Variants in EPHA7 observed in about 807,000 individuals in gnomAD.
The protein encoded by EPHA7 is EPH receptor A7.
A neutral mutation model predicts 112.6 loss-of-function variants in EPHA7; 25 were observed. The ratio of observed to expected loss-of-function variants is 0.22; its 90% CI spans 0.16 to 0.31. EPHA7 has a LOEUF of 0.31. Ranked by LOEUF, EPHA7 falls within the 10% of genes least tolerant of loss-of-function variation. The probability of loss-of-function intolerance (pLI) is 1.00; values close to 1 mark genes in which losing one functional copy is unlikely to be tolerated. For missense variants in EPHA7, 962 were observed against 1,212.6 expected, an observed-to-expected ratio of 0.79 and a Z score of 3.07; for synonymous variants, 437 against 406.5, an observed-to-expected ratio of 1.07 and a Z score of -0.90.
At chr6:93,317,597 C>A (rs1287567329) in intron 5 of EPHA7, among the ~76,000 whole-genome samples, 1 of 152,168 alleles carries the variant, frequency 6.6e-6, no homozygotes, top group Non-Finnish European at 1.5e-5. Context: ...TCTTAAGCTG[C>A]ATTTAAACTT....
Position 93,241,342 on chromosome 6 carries a change from A to G in EPHA7, c.*2084T>C. Reference sequence around the variant, plus strand: ...CTCACAAAGGCCAATGCTACTGATTAGAATTGTAAAGTGCTGGACTTAGTA... The same window carrying G: ...CTCACAAAGGCCAATGCTACTGATTGGAATTGTAAAGTGCTGGACTTAGTA... On this transcript the variant is annotated 3_prime_UTR_variant, in exon 17 of 17. Transcript: ENST00000369303. The G allele has an allele frequency of 4.6e-6, 1 of 216,624 alleles. No individual in the cohort carries two copies. The highest frequency in any genetic ancestry group is 9.3e-6 in the Non-Finnish European group (1 of 107,192). 13.4% of individuals were successfully genotyped at this position (216,624 alleles called of 1,614,324 possible).
chr6:93,281,910 G>T (rs1771760361), intron 5 of EPHA7, among the ~76,000 whole-genome samples: 1 of 151,900 alleles, frequency 6.6e-6, no homozygotes, highest in East Asian at 1.9e-4. Context: ...ATGCACATCA[G>T]TATAATCCTT....
At chr6:93,338,044 C>T (rs1196664951) in intron 5 of EPHA7, among the ~76,000 whole-genome samples, 1 of 151,932 alleles carries the variant, frequency 6.6e-6, no homozygotes. Context: ...GATAACTCAT[C>T]AAACAGTACA....
intron 3 of EPHA7, among the ~76,000 whole-genome samples, chr6:93,369,117 C>A (rs1275029367): frequency 6.7e-6 from 1 of 149,720 alleles, no homozygotes; most frequent in African/African-American, 2.5e-5. Flanking sequence ...TGAGCTCAAT[C>A]CTTTCTTTTT....
At position 93,254,771 on chromosome 6, in the gene EPHA7, G is replaced by A; in HGVS notation, c.2408C>T (p.Thr803Ile). 6.2e-7 allele frequency: 1 copy of A among 1,612,096 alleles called. No individual in the cohort carries two copies. Among genetic ancestry groups the A allele is most frequent in the Non-Finnish European group, 8.5e-7 (1 of 1,178,758 alleles). ...TTGGKIPVRW[T>I]APEAIQYRKF... Reference sequence around the variant, plus strand: ...CCGGTACTGGATGGCTTCGGGTGCTGTCCACCTTACTGGAATTTTTCCACC... The same window carrying A: ...CCGGTACTGGATGGCTTCGGGTGCTATCCACCTTACTGGAATTTTTCCACC... Residue 803 changes from threonine to isoleucine, a missense_variant, in exon 14 of 17, where the codon ACA becomes ATA. By Grantham distance (89) the Thr-to-Ile change is moderately conservative. Transcript: ENST00000369303.
At chr6:93,308,412 T>A (rs1007649772) in intron 5 of EPHA7, among the ~76,000 whole-genome samples, 4 of 152,070 alleles carry the variant, frequency 2.6e-5, no homozygotes, top group Admixed American at 2.6e-4. Context: ...TTTTTTAGAG[T>A]TTGATCTAAA....
intron 5 of EPHA7, among the ~76,000 whole-genome samples, chr6:93,348,876 G>T (rs1775544505): frequency 1.2e-5 from 1 of 81,276 alleles, no homozygotes; most frequent in Admixed American, 1.6e-4. Flanking sequence ...ATGATCAAAG[G>T]TACCGCCATT....
chr6:93,253,559 T>G (rs964861264), intron 14 of EPHA7, among the ~76,000 whole-genome samples: 16 of 152,214 alleles, frequency 1.1e-4, no homozygotes, highest in South Asian at 2.1e-4. Flanking sequence ...TCCAAGAATT[T>G]GCATTAGTAT....
chr6:93,245,551 G>A, intron 15 of EPHA7, 98 bp from the exon 16 acceptor site: 1 of 1,263,914 alleles, frequency 7.9e-7, no homozygotes, highest in Non-Finnish European at 1.1e-6. Context: ...AACAAAATTA[G>A]ATGTTTTAAT....
chr6:93,260,034 T>C (rs1441507033), intron 9 of EPHA7, among the ~76,000 whole-genome samples: 1 of 151,940 alleles, frequency 6.6e-6, no homozygotes, highest in Non-Finnish European at 1.5e-5. Context: ...GTGAGGGACT[T>C]CTATCACAGA....
At chr6:93,286,384 T>C (rs537260756) in intron 5 of EPHA7, among the ~76,000 whole-genome samples, 20 of 152,298 alleles carry the variant, frequency 1.3e-4, no homozygotes, top group African/African-American at 4.8e-4. Flanking sequence ...GCTATGGAAA[T>C]CTTCTGTTTG....
intron 5 of EPHA7, among the ~76,000 whole-genome samples, chr6:93,304,628 T>C (rs1773158967): frequency 6.6e-6 from 1 of 152,100 alleles, no homozygotes; most frequent in Non-Finnish European, 1.5e-5. Context: ...ATGAAGGCCA[T>C]TGTTTTATAG....
At chr6:93,311,420 A>G (rs1313882874) in intron 5 of EPHA7, among the ~76,000 whole-genome samples, 1 of 152,104 alleles carries the variant, frequency 6.6e-6, no homozygotes, top group African/African-American at 2.4e-5. Flanking sequence ...TGAAGACAAT[A>G]TTTCTTCTCA....
intron 5 of EPHA7, among the ~76,000 whole-genome samples, chr6:93,340,069 C>T (rs548477397): frequency 9.2e-5 from 14 of 151,822 alleles, no homozygotes; most frequent in Non-Finnish European, 1.8e-4. Flanking sequence ...AAGCCACAAA[C>T]TCTTTGTTTA....
chr6:93,287,889 T>C (rs1772150670), intron 5 of EPHA7, among the ~76,000 whole-genome samples: 1 of 152,282 alleles, frequency 6.6e-6, no homozygotes, highest in East Asian at 1.9e-4. Flanking sequence ...AGATATCACT[T>C]GACACCCAAC....
intron 3 of EPHA7, among the ~76,000 whole-genome samples, chr6:93,375,705 AAGAAT>A (rs985674704): frequency 3.9e-5 from 6 of 152,104 alleles, no homozygotes; most frequent in African/African-American, 1.2e-4. Flanking sequence ...GTAATGAAAA[AAGAAT>A]AGAGTTCTGT....
At position 93,411,123 on chromosome 6, in the gene EPHA7, T is replaced by A. The variant is rs1175135217; in HGVS notation, c.210A>T (p.Thr70=). The change falls in exon 3 of 17, where the codon ACA becomes ACT. Residue 70 remains threonine (T), a synonymous_variant. Transcript: ENST00000369303. The part of the protein sequence containing the change: ...GLDENYTPIR[T]YQVCQVMEPN... ...GCTCCATGACTTGGCACACCTGGTATGTTCGTATCGGGGTATAGTTCTCAT... is the reference window on the plus strand; with the variant it reads ...GCTCCATGACTTGGCACACCTGGTAAGTTCGTATCGGGGTATAGTTCTCAT... The A allele has an allele frequency of 6.2e-7, 1 of 1,613,706 alleles. No individual in the cohort carries two copies. Among genetic ancestry groups the A allele is most frequent in the South Asian group, 1.1e-5 (1 of 91,092 alleles).
intron 5 of EPHA7, among the ~76,000 whole-genome samples, chr6:93,351,504 G>A (rs901935976): frequency 7.9e-5 from 12 of 151,994 alleles, no homozygotes; most frequent in South Asian, 2.1e-4. Flanking sequence ...TTTCCAGAGC[G>A]TTAAAATAGT....
intron 5 of EPHA7, among the ~76,000 whole-genome samples, 182 bp downstream of exon 5, chr6:93,356,535 C>A (rs1775955596): frequency 6.6e-6 from 1 of 152,104 alleles, no homozygotes; most frequent in Non-Finnish European, 1.5e-5. Flanking sequence ...CCTGCCAGAT[C>A]TCTGAAGATG....
Sources: allele counts gnomAD v4.1 joint callset (sites outside exome capture counted in the v4.1 genomes callset), GRCh38; gene constraint gnomAD v4.1.1; transcripts MANE v1.5; gene names NCBI Gene and HGNC (gene_info 2026-07-23, HGNC 2026-07-21).